The following DPP10 variants were observed in gnomAD, a reference collection of about 807,000 sequenced individuals.
The protein encoded by DPP10 is inactive dipeptidyl peptidase 10.
DPP10 carries 33 observed loss-of-function variants against 120.9 expected under a neutral mutation model. The ratio of observed to expected loss-of-function variants is 0.27; its 90% CI spans 0.21 to 0.37. DPP10 has a LOEUF of 0.37. DPP10 is among the 10% of genes least tolerant of loss of function. The pLI is 1.00. For missense variants in DPP10, 816 were observed against 942.8 expected, an observed-to-expected ratio of 0.87 and a Z score of 1.76; for synonymous variants, 337 against 326.1, an observed-to-expected ratio of 1.03 and a Z score of -0.36.
intron 1 of DPP10, among the ~76,000 whole-genome samples, chr2:115,052,951 CAAAA>C (rs70941023): frequency 4.9e-5 from 6 of 122,016 alleles, no homozygotes; most frequent in Non-Finnish European, 9.9e-5. Context: ...GACTCCATCT[CAAAA>C]AAAAAAAAAA....
chr2:115,382,994 G>T (rs2066534510), intron 3 of DPP10, among the ~76,000 whole-genome samples: 1 of 152,186 alleles, frequency 6.6e-6, no homozygotes, highest in African/African-American at 2.4e-5. Flanking sequence ...GCCATACTTA[G>T]ACAACTCCTT....
At chr2:115,562,981 A>G (rs763253320) in intron 5 of DPP10, among the ~76,000 whole-genome samples, 2 of 152,230 alleles carry the variant, frequency 1.3e-5, no homozygotes, top group Non-Finnish European at 2.9e-5. Context: ...CTTTCTTTCT[A>G]TATGACAGTT....
At chr2:115,035,416 G>A (rs2105268207) in intron 1 of DPP10, among the ~76,000 whole-genome samples, 1 of 152,142 alleles carries the variant, frequency 6.6e-6, no homozygotes. Flanking sequence ...TATGTTTATT[G>A]TCCAGTAATT....
chr2:115,593,718 T>C (rs1251483980), intron 5 of DPP10, among the ~76,000 whole-genome samples: 2 of 152,194 alleles, frequency 1.3e-5, no homozygotes, highest in African/African-American at 2.4e-5. Flanking sequence ...TTTTGAAACA[T>C]AATTTTTCTC....
At chr2:115,819,492 T>G (rs1687592913) in intron 21 of DPP10, among the ~76,000 whole-genome samples, 1 of 152,176 alleles carries the variant, frequency 6.6e-6, no homozygotes, top group Non-Finnish European at 1.5e-5. Flanking sequence ...TTATTGCTCT[T>G]GCTCTCCCTT....
At chr2:115,749,858 G>A in intron 10 of DPP10, 1 of 292,028 alleles carries the variant, frequency 3.4e-6, no homozygotes, top group African/African-American at 2.3e-5. Flanking sequence ...ATACCTGTCT[G>A]CAGGTGATGC....
At chr2:115,433,900 T>G (rs2104799625) in intron 3 of DPP10, among the ~76,000 whole-genome samples, 1 of 152,118 alleles carries the variant, frequency 6.6e-6, no homozygotes, top group Middle Eastern at 3.4e-3. Context: ...TTCAAATTTT[T>G]GTTTTATGAG....
At chr2:114,867,371 A>C (rs1690322353) in intron 1 of DPP10, among the ~76,000 whole-genome samples, 1 of 152,186 alleles carries the variant, frequency 6.6e-6, no homozygotes, top group Non-Finnish European at 1.5e-5. Context: ...AAGATAATGC[A>C]ATCAAAACTG....
intron 1 of DPP10, among the ~76,000 whole-genome samples, chr2:114,793,380 G>A (rs1178262798): frequency 5.9e-5 from 9 of 152,088 alleles, no homozygotes; most frequent in African/African-American, 2.2e-4. Flanking sequence ...TCCCACTTAT[G>A]AGTGAGGACA....
At chr2:115,743,881 G>A (rs1467598754) in intron 9 of DPP10, among the ~76,000 whole-genome samples, 2 of 150,514 alleles carry the variant, frequency 1.3e-5, no homozygotes, top group African/African-American at 4.8e-5. Flanking sequence ...CTCGAAATGT[G>A]GTCCTTTCAC....
chr2:114,962,136 C>T (rs1427460711), intron 1 of DPP10, among the ~76,000 whole-genome samples: 1 of 152,022 alleles, frequency 6.6e-6, no homozygotes, highest in Admixed American at 6.6e-5. Context: ...CTCACTTCAT[C>T]ATCGTAAGTA....
chr2:115,755,154 T>A (rs1427955820), intron 11 of DPP10, among the ~76,000 whole-genome samples: 2 of 152,078 alleles, frequency 1.3e-5, no homozygotes, highest in African/African-American at 2.4e-5. Context: ...TATAAATTAG[T>A]TTCGCATGTT....
chr2:114,867,962 C>T (rs1415205637), intron 1 of DPP10, among the ~76,000 whole-genome samples: 3 of 152,188 alleles, frequency 2.0e-5, no homozygotes, highest in African/African-American at 7.2e-5. Flanking sequence ...TTACACTTCT[C>T]ATGAAATAAT....
chr2:115,084,630 G>A (rs776251828), intron 1 of DPP10, among the ~76,000 whole-genome samples: 8 of 152,154 alleles, frequency 5.3e-5, no homozygotes, highest in Non-Finnish European at 1.0e-4. Flanking sequence ...ATTTATCTTG[G>A]GAAAAGCTGG....
intron 2 of DPP10, among the ~76,000 whole-genome samples, chr2:115,341,903 G>A (rs2063466340): frequency 6.6e-6 from 1 of 152,112 alleles, no homozygotes; most frequent in African/African-American, 2.4e-5. Flanking sequence ...TGCTATAAAT[G>A]TTTGTGTGTA....
chr2:115,059,223 AAAGAAG>A (rs141266837), intron 1 of DPP10, among the ~76,000 whole-genome samples: 1 of 151,858 alleles, frequency 6.6e-6, no homozygotes, highest in Non-Finnish European at 1.5e-5. Flanking sequence ...AAAGATTTAA[AAAGAAG>A]AAGAAGAAGA....
chr2:115,249,528 T>A (rs2058669095), intron 1 of DPP10, among the ~76,000 whole-genome samples: 1 of 152,180 alleles, frequency 6.6e-6, no homozygotes, highest in Non-Finnish European at 1.5e-5. Context: ...TTGAGGCAAG[T>A]CATTTCATAC....
chr2:115,435,119 T>C (rs2071374345), intron 3 of DPP10, among the ~76,000 whole-genome samples: 1 of 151,726 alleles, frequency 6.6e-6, no homozygotes, highest in Admixed American at 6.6e-5. Context: ...ATATATTGGC[T>C]ATTGTGTATA....
chr2:114,769,510 T>G (rs1681057044), intron 1 of DPP10, among the ~76,000 whole-genome samples: 1 of 152,172 alleles, frequency 6.6e-6, no homozygotes, highest in Non-Finnish European at 1.5e-5. Context: ...AAATAGGTAG[T>G]ATGCATGAGG....
Sources: gnomAD v4.1 joint callset for allele counts (sites outside exome capture counted in the v4.1 genomes callset) on GRCh38, gnomAD v4.1.1 for gene constraint, MANE v1.5 for transcripts, NCBI Gene and HGNC (gene_info 2026-07-23, HGNC 2026-07-21) for gene names.